Variants in TAF4B observed in about 807,000 individuals in gnomAD.
TAF4B encodes the protein transcription initiation factor TFIID subunit 4B.
Under a neutral mutation model 86.4 loss-of-function variants are expected in TAF4B, and 38 were observed. That is an observed-to-expected ratio of 0.44 (90% CI 0.34 to 0.58). The LOEUF is 0.58. Ranked by LOEUF, TAF4B falls within the 20% of genes least tolerant of loss-of-function variation. The probability of loss-of-function intolerance (pLI) is 0.02; values close to 1 mark genes in which losing one functional copy is unlikely to be tolerated. For missense variants in TAF4B, 988 were observed against 1,027.6 expected, an observed-to-expected ratio of 0.96 and a Z score of 0.53; for synonymous variants, 388 against 391.2, an observed-to-expected ratio of 0.99 and a Z score of 0.10.
chr18:26,346,879 A>ATATATATATATATATATATGTG lies in TAF4B; in HGVS notation c.2317-10792_2317-10791insGTGTATATATATATATATATAT, dbSNP rs2057199512. ...TATATGTGTATATATATATATGTGTATATATATATATATATATATATGTGT... is the reference window on the plus strand; with the variant it reads ...TATATGTGTATATATATATATGTGTATATATATATATATATATATGTGTATATATATATATATATATATGTGT... On this transcript the variant is annotated intron_variant, in intron 13 of 14. Coordinates refer to ENST00000269142, the MANE Select transcript of TAF4B (RefSeq NM_005640.3). Among the ~76,000 whole-genome samples, 2 of 5,824 alleles carry ATATATATATATATATATATGTG rather than the reference A, an allele frequency of 3.4e-4. 1 individual carries two copies. Among genetic ancestry groups the ATATATATATATATATATATGTG allele is most frequent in the African/African-American group, 6.7e-4 (2 of 3,004 alleles). The allele number at this position is 5,824 out of a possible 152,430, so 3.8% of individuals were successfully genotyped here.
intron 9 of TAF4B, among the ~76,000 whole-genome samples, chr18:26,306,364 A>G (rs2056794639): frequency 6.6e-6 from 1 of 152,124 alleles, no homozygotes; most frequent in African/African-American, 2.4e-5. Flanking sequence ...TGGCCAACCA[A>G]CATAAAGTAG....
chr18:26,377,160 G>C (rs1414516621), intron 14 of TAF4B, among the ~76,000 whole-genome samples: 1 of 152,020 alleles, frequency 6.6e-6, no homozygotes, highest in African/African-American at 2.4e-5. Context: ...TCTTTAGCTT[G>C]TTTAGGTATC....
At chr18:26,315,161 T>TCTCTCTCTCACACACACACA (rs1282068871) in intron 9 of TAF4B, 68 bp from the exon 10 acceptor site, 48 of 222,938 alleles carry the variant, frequency 2.2e-4, no homozygotes, top group African/African-American at 9.7e-4. Context: ...TCTCTCTCTC[T>TCTCTCTCTCACACACACACA]CACACACACA....
intron 11 of TAF4B, among the ~76,000 whole-genome samples, chr18:26,322,469 TATTA>T (rs1489807175): frequency 6.6e-6 from 1 of 152,016 alleles, no homozygotes; most frequent in Non-Finnish European, 1.5e-5. Context: ...TAAATAAAGA[TATTA>T]ATTTTGTGTT....
intron 14 of TAF4B, among the ~76,000 whole-genome samples, chr18:26,368,429 G>T (rs2057385088): frequency 6.6e-6 from 1 of 152,112 alleles, no homozygotes; most frequent in Non-Finnish European, 1.5e-5. Flanking sequence ...CTCTGAAAAG[G>T]TGCATAAGTA....
intron 13 of TAF4B, among the ~76,000 whole-genome samples, chr18:26,337,576 C>T (rs1284807974): frequency 6.6e-6 from 1 of 151,996 alleles, no homozygotes; most frequent in Non-Finnish European, 1.5e-5. Context: ...GCGCGTACCA[C>T]CGCATCCAGC....
chr18:26,337,333 G>A (rs1242725703), intron 13 of TAF4B, among the ~76,000 whole-genome samples: 1 of 151,974 alleles, frequency 6.6e-6, no homozygotes, highest in African/African-American at 2.4e-5. Context: ...GTTCTAAGGG[G>A]CTGTAGTTCA....
In TAF4B at chr18:26,343,354, A is replaced by G. The variant is rs530434612; in HGVS notation, c.2316+8123A>G. 5.3e-5 allele frequency among the ~76,000 whole-genome samples: 8 copies of G among 152,310 alleles called. No homozygotes were observed. The South Asian group carries it at 1.5e-3, about 28-fold the overall frequency. On this transcript the variant is annotated intron_variant, in intron 13 of 14. Coordinates refer to ENST00000269142, the MANE Select transcript of TAF4B (RefSeq NM_005640.3). ...ACTCCTAGACCTACTCCTGAACTATACATTTGCCATATGTGGATCTTATTC... is the reference window on the plus strand; with the variant it reads ...ACTCCTAGACCTACTCCTGAACTATGCATTTGCCATATGTGGATCTTATTC...
At chr18:26,261,539 C>T (rs1325084241) in intron 1 of TAF4B, among the ~76,000 whole-genome samples, 1 of 152,232 alleles carries the variant, frequency 6.6e-6, no homozygotes, top group Non-Finnish European at 1.5e-5. Flanking sequence ...TCTGCCTCAT[C>T]TCTCTGTTAA....
rs936529564 is a variant in TAF4B at position 26,227,091 on chromosome 18, G to C, written c.158G>C (p.Cys53Ser). The change falls in exon 1 of 15, where the codon TGC becomes TCC. Residue 53 changes from cysteine (C) to serine (S), a missense_variant. This residue lies in a region of TAF4B where 747 missense variants were observed against 737.9 expected (regional missense o/e 1.01). Coordinates refer to ENST00000269142, the MANE Select transcript of TAF4B (RefSeq NM_005640.3). Reference protein sequence around the residue: ...GAVTKAPVSVCVEPTASQPLR... With the variant: ...GAVTKAPVSVSVEPTASQPLR... Reference sequence around the variant, plus strand: ...GTGACTAAGGCTCCTGTCAGCGTCTGCGTGGAGCCCACGGCGTCCCAGCCC... The same window carrying C: ...GTGACTAAGGCTCCTGTCAGCGTCTCCGTGGAGCCCACGGCGTCCCAGCCC... 1 of 1,610,952 alleles carries C rather than the reference G, an allele frequency of 6.2e-7. No homozygotes were observed. The highest frequency in any genetic ancestry group is 1.3e-5 in the African/African-American group (1 of 74,776).
chr18:26,286,164 G>A lies in TAF4B; in HGVS notation c.1255G>A (p.Ala419Thr). ...VVTLHSVGPTAATGGTTAGTG... is the reference protein window; with the variant it reads ...VVTLHSVGPTTATGGTTAGTG... ...GACACTTCATTCTGTGGGCCCAACTGCTGCAACAGGAGGAACAACAGCTGG... is the reference window on the plus strand; with the variant it reads ...GACACTTCATTCTGTGGGCCCAACTACTGCAACAGGAGGAACAACAGCTGG... The change falls in exon 7 of 15, where the codon GCT becomes ACT. Residue 419 changes from alanine (A) to threonine (T), a missense_variant. This residue lies in a region of TAF4B where 747 missense variants were observed against 737.9 expected (regional missense o/e 1.01). Coordinates refer to ENST00000269142, the MANE Select transcript of TAF4B (RefSeq NM_005640.3). 1.9e-6 allele frequency: 3 copies of A among 1,614,190 alleles called. No homozygotes were observed. Among genetic ancestry groups the A allele is most frequent in the Non-Finnish European group, 2.5e-6 (3 of 1,180,024 alleles).
In TAF4B at chr18:26,357,638, C is replaced by G. The variant is rs140092954; in HGVS notation, c.2317-52C>G. 3.1e-5 allele frequency: 40 copies of G among 1,278,450 alleles called. No individual in the cohort carries two copies. The African/African-American group carries it at 6.0e-4, about 19-fold the overall frequency. 79.2% of individuals were successfully genotyped at this position (1,278,450 alleles called of 1,614,324 possible). ...GGCTTAGTAATCAGTTTCTTTTTCC[C>G]TCTGAGCATGAATGTGTATAAACAT... is the stretch of plus-strand genomic sequence containing the variant. On this transcript the variant is annotated intron_variant, in intron 13 of 14. Transcript: ENST00000269142.
At chr18:26,260,094 G>A (rs1020752458) in intron 1 of TAF4B, among the ~76,000 whole-genome samples, 1 of 152,106 alleles carries the variant, frequency 6.6e-6, no homozygotes, top group Non-Finnish European at 1.5e-5. Context: ...TTTGAGAAGT[G>A]TCTGTTCATA....
intron 8 of TAF4B, among the ~76,000 whole-genome samples, chr18:26,292,668 G>C (rs192105871): frequency 6.6e-6 from 1 of 152,138 alleles, no homozygotes; most frequent in Non-Finnish European, 1.5e-5. Flanking sequence ...GATTACAGGC[G>C]TGCACCACCA....
intron 10 of TAF4B, among the ~76,000 whole-genome samples, chr18:26,316,856 G>A (rs1370185321): frequency 6.6e-6 from 1 of 151,748 alleles, no homozygotes; most frequent in Non-Finnish European, 1.5e-5. Context: ...TATGTATTTT[G>A]TATTATACAG....
intron 9 of TAF4B, 60 bp from the exon 10 acceptor site, chr18:26,315,155 TCTCTCTCACACACA>T: frequency 2.1e-6 from 1 of 465,408 alleles, no homozygotes; most frequent in Non-Finnish European, 3.1e-6. Flanking sequence ...TGTCTCTCTC[TCTCTCTCACACACA>T]CACACACACA....
chr18:26,385,718 A>G (rs1460822167), intron 14 of TAF4B, among the ~76,000 whole-genome samples: 2 of 138,492 alleles, frequency 1.4e-5, no homozygotes, highest in African/African-American at 5.1e-5. Flanking sequence ...TTCTTCTTGC[A>G]AACTCTGGGC....
intron 11 of TAF4B, among the ~76,000 whole-genome samples, chr18:26,324,745 C>G (rs2056990921): frequency 6.6e-6 from 1 of 152,178 alleles, no homozygotes; most frequent in South Asian, 2.1e-4. Context: ...GTTAATACAG[C>G]TAATGCCACT....
At chr18:26,268,433 C>T (rs1339376820) in intron 3 of TAF4B, among the ~76,000 whole-genome samples, 1 of 152,182 alleles carries the variant, frequency 6.6e-6, no homozygotes, top group Non-Finnish European at 1.5e-5. Context: ...TTCCACTGTG[C>T]CTTCCTAGAT....
Sources: allele counts gnomAD v4.1 joint callset (sites outside exome capture counted in the v4.1 genomes callset), GRCh38; gene constraint gnomAD v4.1.1; regional missense constraint gnomAD v4.1.1; transcripts MANE v1.5; gene names NCBI Gene and HGNC (gene_info 2026-07-23, HGNC 2026-07-21).